The following LMNTD1 variants were observed in gnomAD, a reference collection of about 807,000 sequenced individuals.
LMNTD1 encodes the protein lamin tail domain-containing protein 1.
LMNTD1 carries 35 observed loss-of-function variants against 50.9 expected under a neutral mutation model. That is an observed-to-expected ratio of 0.69 (90% CI 0.53 to 0.91). LMNTD1 has a LOEUF of 0.91. Ranked by LOEUF, LMNTD1 falls within the 40% of genes least tolerant of loss-of-function variation. LMNTD1 has a pLI of 0.00. For synonymous variants in LMNTD1, 153 were observed against 161.9 expected, an observed-to-expected ratio of 0.94 and a Z score of 0.42; for missense variants, 470 against 475.5, an observed-to-expected ratio of 0.99 and a Z score of 0.11.
At chr12:25,593,025 C>T (rs544800162) in intron 1 of LMNTD1, 20 of 152,140 alleles carry the variant, frequency 1.3e-4, no homozygotes, top group African/African-American at 4.3e-4. Context: ...CTCCATTAAC[C>T]GGAGAATCTC....
intron 1 of LMNTD1, among the ~76,000 whole-genome samples, chr12:25,627,377 T>G (rs149273684): frequency 6.6e-5 from 10 of 152,326 alleles, no homozygotes; most frequent in Non-Finnish European, 1.5e-4. Flanking sequence ...TGTTCCAACT[T>G]TCATGATGAC....
chr12:25,481,805 C>T (rs968256391), intron 9 of LMNTD1, among the ~76,000 whole-genome samples: 4 of 149,960 alleles, frequency 2.7e-5, no homozygotes, highest in African/African-American at 9.9e-5. Flanking sequence ...TTTCAAATCG[C>T]AACCTAACTA....
chr12:25,578,960 A>G (rs1945153329), intron 1 of LMNTD1, among the ~76,000 whole-genome samples: 1 of 152,228 alleles, frequency 6.6e-6, no homozygotes, highest in Non-Finnish European at 1.5e-5. Context: ...ATTTAGGCAG[A>G]TCTGTTCAGC....
chr12:25,564,744 T>C (rs968691755), intron 1 of LMNTD1, among the ~76,000 whole-genome samples: 3 of 152,206 alleles, frequency 2.0e-5, no homozygotes, highest in Non-Finnish European at 4.4e-5. Context: ...TATTAGATCC[T>C]TCTGGTCTAT....
chr12:25,500,227 CTTT>C (rs1315549041), intron 9 of LMNTD1, among the ~76,000 whole-genome samples: 1 of 152,290 alleles, frequency 6.6e-6, no homozygotes, highest in Non-Finnish European at 1.5e-5. Context: ...AACTATTAGA[CTTT>C]CAAAACTCCT....
intron 8 of LMNTD1, among the ~76,000 whole-genome samples, chr12:25,512,170 G>C (rs1462876302): frequency 1.3e-5 from 2 of 152,178 alleles, no homozygotes; most frequent in Non-Finnish European, 2.9e-5. Context: ...ATTGTCTTTT[G>C]CAACATTTGC....
chr12:25,552,772 G>T, intron 2 of LMNTD1, 99 bp downstream of exon 2: 1 of 723,714 alleles, frequency 1.4e-6, no homozygotes, highest in Non-Finnish European at 2.4e-6. Flanking sequence ...GTTCTAACTG[G>T]TTCATAAGAG....
intron 8 of LMNTD1, among the ~76,000 whole-genome samples, chr12:25,517,345 G>A (rs1940868743): frequency 1.7e-5 from 1 of 57,458 alleles, no homozygotes; most frequent in African/African-American, 4.3e-5. Context: ...AAGAAAATGT[G>A]GCACATATAC....
intron 6 of LMNTD1, among the ~76,000 whole-genome samples, chr12:25,520,595 T>C (rs1453503580): frequency 1.3e-5 from 2 of 152,222 alleles, no homozygotes; most frequent in Non-Finnish European, 2.9e-5. Flanking sequence ...CTTTATCCAT[T>C]TGTCTGTTGA....
chr12:25,619,252 C>CTCTCTCTCTCTCTCTATATA (rs1374134268), intron 1 of LMNTD1, among the ~76,000 whole-genome samples: 2 of 84,442 alleles, frequency 2.4e-5, no homozygotes, highest in East Asian at 4.2e-4. Context: ...CTCTCTCTCT[C>CTCTCTCTCTCTCTCTATATA]TATATATATA....
intron 1 of LMNTD1, among the ~76,000 whole-genome samples, chr12:25,606,701 A>G (rs1278565773): frequency 1.3e-5 from 2 of 152,166 alleles, no homozygotes; most frequent in Admixed American, 1.3e-4. Context: ...CATGGTGGAT[A>G]AGCTTTTTCA....
At chr12:25,549,063 C>T (rs1056814515) in intron 3 of LMNTD1, among the ~76,000 whole-genome samples, 1 of 151,964 alleles carries the variant, frequency 6.6e-6, no homozygotes, top group Non-Finnish European at 1.5e-5. Context: ...TAGCGGTCAA[C>T]TCATGAACCA....
intron 8 of LMNTD1, among the ~76,000 whole-genome samples, chr12:25,512,353 G>A (rs945672897): frequency 3.9e-5 from 6 of 152,218 alleles, no homozygotes; most frequent in Non-Finnish European, 8.8e-5. Flanking sequence ...TTGCTTTAGG[G>A]AGCAAAGGAG....
At chr12:25,644,157 C>G (rs1947010947) in intron 1 of LMNTD1, among the ~76,000 whole-genome samples, 1 of 151,804 alleles carries the variant, frequency 6.6e-6, no homozygotes, top group East Asian at 1.9e-4. Flanking sequence ...GTGGCCTTGA[C>G]AGAGCAGATT....
intron 1 of LMNTD1, among the ~76,000 whole-genome samples, chr12:25,571,900 G>A (rs1231546565): frequency 1.3e-5 from 2 of 152,052 alleles, no homozygotes; most frequent in Non-Finnish European, 2.9e-5. Context: ...CAAACTCCTG[G>A]CCTCAAGTTG....
At chr12:25,639,709 T>C (rs929852344) in intron 1 of LMNTD1, among the ~76,000 whole-genome samples, 1 of 152,184 alleles carries the variant, frequency 6.6e-6, no homozygotes, top group Non-Finnish European at 1.5e-5. Flanking sequence ...TGTGGGAATG[T>C]AAAATGGTGT....
chr12:25,519,438 A>T (rs1941086143), intron 7 of LMNTD1, among the ~76,000 whole-genome samples: 1 of 151,548 alleles, frequency 6.6e-6, no homozygotes, highest in South Asian at 2.1e-4. Flanking sequence ...TACAAAAAAA[A>T]TTAGCCGGGC....
chr12:25,533,145 T>A (rs1200832409), intron 4 of LMNTD1, among the ~76,000 whole-genome samples: 2 of 152,204 alleles, frequency 1.3e-5, no homozygotes, highest in African/African-American at 4.8e-5. Context: ...TCAGAGCACT[T>A]TATTTGCCTT....
upstream of LMNTD1, among the ~76,000 whole-genome samples, chr12:25,554,734 G>A (rs1002143171): frequency 1.3e-5 from 2 of 152,142 alleles, no homozygotes; most frequent in African/African-American, 2.4e-5. Context: ...CACATGACAC[G>A]TGCCTTTCTA....
Sources: gnomAD v4.1 joint callset for allele counts (sites outside exome capture counted in the v4.1 genomes callset) on GRCh38, gnomAD v4.1.1 for gene constraint, MANE v1.5 for transcripts, NCBI Gene and HGNC (gene_info 2026-07-23, HGNC 2026-07-21) for gene names.